CLDN10: variants seen among roughly 807,000 people sequenced by gnomAD.
The protein encoded by CLDN10 is claudin 10, also known as claudin-10.
Under a neutral mutation model 22.9 loss-of-function variants are expected in CLDN10, and 15 were observed. The observed-to-expected ratio is 0.65, with a 90% confidence interval of 0.44 to 1.01. The LOEUF (loss-of-function observed/expected upper bound fraction) is 1.01. CLDN10 is among the 50% of genes least tolerant of loss of function. The pLI is 0.00. For missense variants in CLDN10, 247 were observed against 287.8 expected (o/e 0.86, Z 1.03); for synonymous variants, 114 against 111.4 (o/e 1.02, Z -0.15).
At chr13:95,548,466 T>A (rs1332011680), upstream of CLDN10, among the ~76,000 whole-genome samples, 3 of 152,278 alleles carry the variant, frequency 2.0e-5, no homozygotes, top group Non-Finnish European at 1.5e-5. Flanking sequence ...CAACTGTTTT[T>A]ATAGTTATAA....
intron 1 of CLDN10, among the ~76,000 whole-genome samples, chr13:95,467,356 A>G (rs1267477079): frequency 1.3e-5 from 2 of 152,204 alleles, no homozygotes; most frequent in African/African-American, 4.8e-5. Flanking sequence ...TATTTCCATA[A>G]CATCATCAAG....
chr13:95,532,328 G>A (rs762921571), intron 1 of CLDN10, among the ~76,000 whole-genome samples: 5 of 152,000 alleles, frequency 3.3e-5, no homozygotes, highest in Non-Finnish European at 7.4e-5. Flanking sequence ...TAGAAAAGGA[G>A]CAAAAAATTT....
intron 1 of CLDN10, among the ~76,000 whole-genome samples, chr13:95,434,844 A>G (rs2042251608): frequency 6.6e-6 from 1 of 152,070 alleles, no homozygotes; most frequent in Admixed American, 6.6e-5. Flanking sequence ...GAAGGAAGGA[A>G]TTCTATTTTC....
chr13:95,461,860 T>G (rs1041958192), intron 1 of CLDN10, among the ~76,000 whole-genome samples: 2 of 152,014 alleles, frequency 1.3e-5, no homozygotes, highest in African/African-American at 4.8e-5. Flanking sequence ...GGGAGGCCAA[T>G]GCAGGAAGAT....
chr13:95,485,432 CA>C (rs1419877868), intron 1 of CLDN10, among the ~76,000 whole-genome samples: 5 of 152,168 alleles, frequency 3.3e-5, no homozygotes, highest in African/African-American at 4.8e-5. Flanking sequence ...ATCTTAATTT[CA>C]GGCCTTACAC....
intron 1 of CLDN10, among the ~76,000 whole-genome samples, chr13:95,488,657 T>C (rs2042832976): frequency 6.6e-6 from 1 of 152,192 alleles, no homozygotes; most frequent in South Asian, 2.1e-4. Context: ...AGAATAATAG[T>C]CTCCAGTCTT....
chr13:95,493,070 G>A (rs931807522), intron 1 of CLDN10, among the ~76,000 whole-genome samples: 3 of 152,138 alleles, frequency 2.0e-5, no homozygotes, highest in African/African-American at 7.2e-5. Context: ...CAGAGGGTCT[G>A]CGGCTCCTCT....
At chr13:95,448,958 T>G (rs2042407400) in intron 1 of CLDN10, among the ~76,000 whole-genome samples, 1 of 151,800 alleles carries the variant, frequency 6.6e-6, no homozygotes, top group Admixed American at 6.6e-5. Flanking sequence ...AGGCTTGTCC[T>G]GAACTCCTGA....
At chr13:95,550,323 C>T (rs941308204), upstream of CLDN10, among the ~76,000 whole-genome samples, 3 of 152,076 alleles carry the variant, frequency 2.0e-5, no homozygotes, top group African/African-American at 7.2e-5. Context: ...AAACAATGTG[C>T]CTTTGGATCC....
intron 1 of CLDN10, among the ~76,000 whole-genome samples, chr13:95,444,435 G>T (rs760232307): frequency 6.3e-4 from 96 of 152,332 alleles, no homozygotes; most frequent in Non-Finnish European, 1.2e-3. Context: ...GATTCCTGGT[G>T]CAGAATATAG....
intron 1 of CLDN10, among the ~76,000 whole-genome samples, chr13:95,535,160 C>T (rs2043386984): frequency 6.6e-6 from 1 of 152,018 alleles, no homozygotes; most frequent in Admixed American, 6.6e-5. Context: ...GCTGAAGATC[C>T]TAGGATACCT....
intron 1 of CLDN10, among the ~76,000 whole-genome samples, chr13:95,518,339 A>C (rs1415191173): frequency 6.6e-6 from 1 of 152,196 alleles, no homozygotes; most frequent in African/African-American, 2.4e-5. Flanking sequence ...AACCTAGAAA[A>C]ACTGATGATC....
chr13:95,467,704 G>T (rs1051663619), intron 1 of CLDN10, among the ~76,000 whole-genome samples: 5 of 152,074 alleles, frequency 3.3e-5, no homozygotes, highest in Non-Finnish European at 7.3e-5. Flanking sequence ...CAAAGAATTG[G>T]GTCACATAAT....
intron 1 of CLDN10, among the ~76,000 whole-genome samples, chr13:95,489,569 G>A (rs1287972208): frequency 6.6e-6 from 1 of 151,666 alleles, no homozygotes; most frequent in South Asian, 2.1e-4. Context: ...CTTTTTGATG[G>A]GATTTTTTTT....
intron 1 of CLDN10, among the ~76,000 whole-genome samples, chr13:95,470,381 G>A (rs192459306): frequency 1.3e-5 from 2 of 152,234 alleles, no homozygotes; most frequent in Admixed American, 1.3e-4. Context: ...CCAAGCAGCT[G>A]GAACCATAGG....
intron 1 of CLDN10, among the ~76,000 whole-genome samples, chr13:95,445,612 C>T (rs1365221376): frequency 1.3e-5 from 2 of 152,208 alleles, no homozygotes; most frequent in African/African-American, 4.8e-5. Context: ...CTGGTCCCAA[C>T]GTAACCTCTA....
At chr13:95,449,364 G>T (rs1333755574) in intron 1 of CLDN10, among the ~76,000 whole-genome samples, 1 of 151,624 alleles carries the variant, frequency 6.6e-6, no homozygotes, top group Non-Finnish European at 1.5e-5. Context: ...TGATTCTTCT[G>T]CCTCAGCCTC....
chr13:95,553,072 C>G, intron 1 of CLDN10, 99 bp downstream of exon 1: 1 of 1,474,054 alleles, frequency 6.8e-7, no homozygotes, highest in Non-Finnish European at 9.1e-7. Context: ...GACCCCTAGA[C>G]TGGACTCCTC....
At chr13:95,445,030 C>T (rs548027667) in intron 1 of CLDN10, among the ~76,000 whole-genome samples, 51 of 152,356 alleles carry the variant, frequency 3.3e-4, no homozygotes, top group Admixed American at 8.5e-4. Context: ...CCTGCCTCAG[C>T]CTCCCAAAGT....
Sources: gnomAD v4.1 joint callset for allele counts (sites outside exome capture counted in the v4.1 genomes callset) on GRCh38, gnomAD v4.1.1 for gene constraint, MANE v1.5 for transcripts, NCBI Gene and HGNC (gene_info 2026-07-23, HGNC 2026-07-21) for gene names.